Variants in WWOX observed in about 807,000 individuals in gnomAD.
The protein encoded by WWOX is WW domain-containing oxidoreductase.
WWOX carries 69 observed loss-of-function variants against 46.2 expected under a neutral mutation model. The ratio of observed to expected loss-of-function variants is 1.49; its 90% CI spans 1.23 to 1.82. The LOEUF (loss-of-function observed/expected upper bound fraction) is 1.82. Ranked by LOEUF, WWOX falls within the 40% of genes most tolerant of loss-of-function variation. The probability of loss-of-function intolerance (pLI) is 0.00; values close to 1 mark genes in which losing one functional copy is unlikely to be tolerated. For synonymous variants in WWOX, 359 were observed against 202.6 expected, an observed-to-expected ratio of 1.77 and a Z score of -6.56; for missense variants, 919 against 542.6, an observed-to-expected ratio of 1.69 and a Z score of -6.89.
chr16:78,678,969 C>A (rs7206611), intron 8 of WWOX, among the ~76,000 whole-genome samples: 2,411 of 152,182 alleles, frequency 0.016, 66 homozygotes, highest in African/African-American at 0.055. Flanking sequence ...TCAGCCTGGC[C>A]CTAGACCCTT....
chr16:78,148,291 TGTGTGTGCAC>T (rs2034278192), intron 4 of WWOX, among the ~76,000 whole-genome samples: 1 of 152,192 alleles, frequency 6.6e-6, no homozygotes, highest in South Asian at 2.1e-4. Flanking sequence ...ACCATGGGTG[TGTGTGTGCAC>T]GTGTGTGCGC....
At chr16:78,254,898 T>G (rs2038085561) in intron 5 of WWOX, among the ~76,000 whole-genome samples, 2 of 152,170 alleles carry the variant, frequency 1.3e-5, no homozygotes, top group African/African-American at 4.8e-5. Flanking sequence ...CAGTCAGGGT[T>G]GTTGAAAACC....
intron 8 of WWOX, among the ~76,000 whole-genome samples, chr16:79,173,573 TCA>T: frequency 6.6e-6 from 1 of 151,448 alleles, no homozygotes; most frequent in African/African-American, 2.4e-5. Flanking sequence ...CTCACAACAC[TCA>T]CAGTCAAAGC....
chr16:78,947,185 C>G (rs975398486), intron 8 of WWOX, among the ~76,000 whole-genome samples: 1 of 151,764 alleles, frequency 6.6e-6, no homozygotes, highest in Non-Finnish European at 1.5e-5. Context: ...AGAGAAAACC[C>G]CATAACAATG....
chr16:78,915,077 A>G (rs2045216094), intron 8 of WWOX, among the ~76,000 whole-genome samples: 1 of 152,044 alleles, frequency 6.6e-6, no homozygotes, highest in African/African-American at 2.4e-5. Context: ...TGAGCAGGAG[A>G]TGGAAGACCT....
chr16:78,560,773 C>T (rs1024862253), intron 8 of WWOX, among the ~76,000 whole-genome samples: 2 of 152,058 alleles, frequency 1.3e-5, no homozygotes, highest in African/African-American at 4.8e-5. Context: ...GAATTTTATA[C>T]TCTGAAGGCA....
intron 8 of WWOX, among the ~76,000 whole-genome samples, chr16:78,770,932 G>A (rs1337093793): frequency 6.6e-6 from 1 of 152,238 alleles, no homozygotes; most frequent in Non-Finnish European, 1.5e-5. Context: ...TATTATGTGT[G>A]CTGTTTGATA....
intron 8 of WWOX, among the ~76,000 whole-genome samples, chr16:79,052,086 T>C (rs1287708255): frequency 2.0e-5 from 3 of 152,086 alleles, no homozygotes; most frequent in Admixed American, 1.3e-4. Context: ...ATGTGCACGT[T>C]GTGCAGGTTA....
chr16:78,734,865 TTTTTTTTTTTTTTTTTTTG>T (rs1597513470), intron 8 of WWOX, among the ~76,000 whole-genome samples: 3 of 117,596 alleles, frequency 2.6e-5, no homozygotes, highest in African/African-American at 6.5e-5. Context: ...TTTTTTTTTT[TTTTTTTTTTTTTTTTTTTG>T]AGATAGGGTC....
chr16:78,780,879 G>C (rs1227537973), intron 8 of WWOX, among the ~76,000 whole-genome samples: 1 of 152,188 alleles, frequency 6.6e-6, no homozygotes, highest in African/African-American at 2.4e-5. Context: ...GGGCAGTGAT[G>C]TTTTTTAAAG....
chr16:78,600,240 C>G (rs867188584), intron 8 of WWOX, among the ~76,000 whole-genome samples: 2 of 151,868 alleles, frequency 1.3e-5, no homozygotes, highest in African/African-American at 4.8e-5. Context: ...ATTGTGGGAG[C>G]GACAGTTCAA....
chr16:79,122,110 G>C (rs1469026562), intron 8 of WWOX, among the ~76,000 whole-genome samples: 3 of 152,140 alleles, frequency 2.0e-5, no homozygotes, highest in East Asian at 1.9e-4. Flanking sequence ...GTGCTGACGG[G>C]GCTGTTCCAC....
rs188507392 is a variant in WWOX, at chr16:79,166,422, A to G, written c.1057-45186A>G. Reference sequence around the variant, plus strand: ...TTTGCCTCCTCTTTAGTTCATTCCAATGATAAATCCTCCCTCCTTTGTCAC... The same window carrying G: ...TTTGCCTCCTCTTTAGTTCATTCCAGTGATAAATCCTCCCTCCTTTGTCAC... On this transcript the variant is annotated intron_variant, in intron 8 of 8. Coordinates refer to ENST00000566780, the MANE Select transcript of WWOX (RefSeq NM_016373.4). Among the ~76,000 whole-genome samples, 433 of 152,238 alleles carry G rather than the reference A, an allele frequency of 2.8e-3. 2 individuals carry two copies. Among genetic ancestry groups the G allele is most frequent in the African/African-American group, 9.3e-3 (386 of 41,552 alleles).
intron 7 of WWOX, 126 bp from the exon 8 acceptor site, chr16:78,432,361 CT>C: frequency 7.7e-7 from 1 of 1,301,940 alleles, no homozygotes; most frequent in Non-Finnish European, 1.1e-6. Flanking sequence ...TCGTCTAAGA[CT>C]CCCAAAGTGC....
chr16:78,284,179 C>T (rs1043618676), intron 5 of WWOX, among the ~76,000 whole-genome samples: 15 of 152,246 alleles, frequency 9.9e-5, no homozygotes, highest in African/African-American at 3.6e-4. Context: ...GGTTGGACAA[C>T]CCGTTCCCAT....
At chr16:79,015,572 C>A (rs370133633) in intron 8 of WWOX, among the ~76,000 whole-genome samples, 6 of 152,084 alleles carry the variant, frequency 3.9e-5, no homozygotes, top group African/African-American at 1.4e-4. Flanking sequence ...TGGTTCAACT[C>A]ATGAGGAGGG....
intron 8 of WWOX, among the ~76,000 whole-genome samples, chr16:78,628,607 G>A (rs2046360848): frequency 6.6e-6 from 1 of 151,886 alleles, no homozygotes; most frequent in African/African-American, 2.4e-5. Flanking sequence ...CCTGTTGATG[G>A]ATTTATTCCA....
At chr16:78,793,209 A>T (rs1051245225) in intron 8 of WWOX, among the ~76,000 whole-genome samples, 3 of 152,096 alleles carry the variant, frequency 2.0e-5, no homozygotes, top group Non-Finnish European at 2.9e-5. Flanking sequence ...AGTAACTGGG[A>T]CCACAATGCC....
chr16:79,073,337 G>A (rs1488286441), intron 8 of WWOX, among the ~76,000 whole-genome samples: 5 of 151,944 alleles, frequency 3.3e-5, no homozygotes, highest in Non-Finnish European at 7.4e-5. Flanking sequence ...ACGCCGCCAT[G>A]CCCGGCTACT....
Sources: allele counts gnomAD v4.1 joint callset (sites outside exome capture counted in the v4.1 genomes callset), GRCh38; gene constraint gnomAD v4.1.1; transcripts MANE v1.5; gene names NCBI Gene and HGNC (gene_info 2026-07-23, HGNC 2026-07-21).